Variants in SYNE2 observed in about 807,000 individuals in gnomAD.
SYNE2 encodes the protein nesprin-2.
SYNE2 carries 431 observed loss-of-function variants against 856.3 expected under a neutral mutation model. That is an observed-to-expected ratio of 0.50 (90% CI 0.47 to 0.55). The LOEUF (loss-of-function observed/expected upper bound fraction) is 0.55. Among genes scored for constraint, SYNE2 ranks in the 20% least tolerant of loss-of-function variants. The probability of loss-of-function intolerance (pLI) is 0.00; values close to 1 mark genes in which losing one functional copy is unlikely to be tolerated. For synonymous variants in SYNE2, 2,923 were observed against 2,872.3 expected (o/e 1.02, Z -0.56); for missense variants, 8,129 against 8,023.2 (o/e 1.01, Z -0.50).
rs1279908685 is a variant in SYNE2 at position 64,170,222 on chromosome 14, C to T, written c.17001-6C>T. ...CTGGATTCTATAACCATTTGTTTTT[C>T]CCCAGACCAGAATTTATTACAGAAT... On this transcript the variant is annotated splice_region_variant and splice_polypyrimidine_tract_variant and intron_variant, in intron 93 of 115. Coordinates refer to ENST00000555002, the MANE Select transcript of SYNE2 (RefSeq NM_182914.3). 1 of 1,612,914 alleles carries T rather than the reference C, an allele frequency of 6.2e-7. No homozygotes were observed.
intron 2 of SYNE2, among the ~76,000 whole-genome samples, chr14:63,930,183 G>T (rs926211761): frequency 3.3e-5 from 5 of 151,926 alleles, no homozygotes; most frequent in African/African-American, 9.7e-5. Flanking sequence ...CTACTCAGGA[G>T]GCTGAGGTGG....
chr14:64,141,019 C>T (rs1433616061), intron 80 of SYNE2, among the ~76,000 whole-genome samples: 1 of 151,974 alleles, frequency 6.6e-6, no homozygotes, highest in Non-Finnish European at 1.5e-5. Flanking sequence ...TAATTACAAA[C>T]TTGTTGCAAG....
intron 9 of SYNE2, among the ~76,000 whole-genome samples, chr14:63,962,528 G>C (rs1356164755): frequency 6.6e-6 from 1 of 152,126 alleles, no homozygotes; most frequent in Admixed American, 6.6e-5. Context: ...CTATTCTTTA[G>C]CTTCATGTAA....
At chr14:64,180,062 G>A (rs1321641197) in intron 96 of SYNE2, among the ~76,000 whole-genome samples, 1 of 152,094 alleles carries the variant, frequency 6.6e-6, no homozygotes, top group African/African-American at 2.4e-5. Flanking sequence ...ACGTTTTAAG[G>A]CAGAGATCCA....
At chr14:64,029,130 A>C (rs1274218139) in intron 43 of SYNE2, among the ~76,000 whole-genome samples, 1 of 152,106 alleles carries the variant, frequency 6.6e-6, no homozygotes, top group Non-Finnish European at 1.5e-5. Flanking sequence ...GTGAGACTCC[A>C]TCTCAAAAAA....
chr14:63,897,606 T>C (rs2095273464), intron 1 of SYNE2, among the ~76,000 whole-genome samples: 1 of 152,226 alleles, frequency 6.6e-6, no homozygotes, highest in Admixed American at 6.5e-5. Context: ...TGCTGAGCCC[T>C]CCTGGGCCAA....
At chr14:64,062,929 G>A (rs750071703) in intron 50 of SYNE2, 34 bp downstream of exon 50, 2 of 1,613,854 alleles carry the variant, frequency 1.2e-6, no homozygotes, top group South Asian at 2.2e-5. Flanking sequence ...GTAAGTCTGT[G>A]TGCAAAAAAT....
At chr14:64,213,104 T>A in intron 105 of SYNE2, 99 bp downstream of exon 105, 1 of 1,270,932 alleles carries the variant, frequency 7.9e-7, no homozygotes, top group Non-Finnish European at 1.1e-6. Flanking sequence ...TAATGGTTAA[T>A]TATGGTTTAT....
chr14:64,126,782 G>T lies in SYNE2; in HGVS notation c.13892G>T (p.Gly4631Val). Residue 4631 changes from glycine (G) to valine (V), a missense_variant, in exon 73 of 116, where the codon GGC (glycine) becomes GTC (valine). Coordinates refer to ENST00000555002, the MANE Select transcript of SYNE2 (RefSeq NM_182914.3). The part of the protein sequence containing the change: ...AVCRSKSLKA[G>V]LDYNRSYQNE... Reference sequence around the variant, plus strand: ...TGTAGAAGCAAGTCCCTGAAAGCTGGCCTCGATTACAACCGCAGTTACCAG... The same window carrying T: ...TGTAGAAGCAAGTCCCTGAAAGCTGTCCTCGATTACAACCGCAGTTACCAG... The T allele has an allele frequency of 4.3e-6, 7 of 1,612,942 alleles. No homozygotes were observed. Among genetic ancestry groups the T allele is most frequent in the Non-Finnish European group, 5.1e-6 (6 of 1,180,012 alleles).
In SYNE2 at chr14:64,048,175, C is replaced by T; in HGVS notation, c.7377+20C>T. On this transcript the variant is annotated intron_variant, in intron 46 of 115. Transcript: ENST00000555002. ...ATAGAGGTATGGAAACATAAAAACA[C>T]TGACAACATGATTGCATCATTTATC... The T allele has an allele frequency of 6.2e-7, 1 of 1,609,408 alleles. No individual in the cohort carries two copies. The highest frequency in any genetic ancestry group is 8.5e-7 in the Non-Finnish European group (1 of 1,176,998).
intron 1 of SYNE2, among the ~76,000 whole-genome samples, chr14:63,803,786 G>C (rs372486626): frequency 6.6e-6 from 1 of 152,218 alleles, no homozygotes; most frequent in African/African-American, 2.4e-5. Context: ...TGCCGAGAGC[G>C]AGCGAGGACT....
At chr14:64,086,141 C>T (rs2097559723) in intron 57 of SYNE2, among the ~76,000 whole-genome samples, 1 of 152,190 alleles carries the variant, frequency 6.6e-6, no homozygotes, top group African/African-American at 2.4e-5. Context: ...ATAGTTTTAA[C>T]TCTTACTCTC....
chr14:63,995,026 C>G lies in SYNE2; in HGVS notation c.2782-18C>G. The stretch of plus-strand genomic sequence containing the variant: ...TTTTGTTCTCATGGTTAATATATTC[C>G]TTTGATTTTTTTTGTAGTCTCTTCA... On this transcript the variant is annotated intron_variant, in intron 22 of 115. Coordinates refer to ENST00000555002, the MANE Select transcript of SYNE2 (RefSeq NM_182914.3). 1 of 1,465,088 alleles carries G rather than the reference C, an allele frequency of 6.8e-7. No homozygotes were observed. Among genetic ancestry groups the G allele is most frequent in the South Asian group, 1.2e-5 (1 of 82,694 alleles). The allele number at this position is 1,465,088 out of a possible 1,614,324, so 90.8% of individuals were successfully genotyped here.
At chr14:64,134,297 T>A (rs1459109764) in intron 78 of SYNE2, 97 bp downstream of exon 78, 4 of 1,263,888 alleles carry the variant, frequency 3.2e-6, no homozygotes, top group Non-Finnish European at 4.6e-6. Flanking sequence ...AGGTTTGAAT[T>A]GAAACAAAAT....
intron 49 of SYNE2, among the ~76,000 whole-genome samples, chr14:64,062,510 AAAT>A (rs1192148358): frequency 6.6e-6 from 1 of 152,218 alleles, no homozygotes; most frequent in East Asian, 1.9e-4. Context: ...TAAAAAAAAA[AAAT>A]CTTCATTTTA....
chr14:64,078,379 A>G lies in SYNE2; in HGVS notation c.11023-87A>G, dbSNP rs577756465. 103 of 1,581,744 alleles carry G rather than the reference A, an allele frequency of 6.5e-5. No homozygotes were observed. The African/African-American group carries it at 1.3e-3, about 20-fold the overall frequency. ...TTAAAAAATTTTTACAAGTTAAAACAGAGTGACTACCACTTTTGTTGTTCG... is the reference window on the plus strand; with the variant it reads ...TTAAAAAATTTTTACAAGTTAAAACGGAGTGACTACCACTTTTGTTGTTCG... On this transcript the variant is annotated intron_variant, in intron 54 of 115. Coordinates refer to ENST00000555002, the MANE Select transcript of SYNE2 (RefSeq NM_182914.3).
rs955844778 is a variant in SYNE2, at chr14:63,954,019, T to C, written c.591-700T>C. ...GCTTCAATCTCCCATTGTCAAGTGA[T>C]CCTCCCGCCTCAGCCTCCCAAAGTG... is the stretch of plus-strand genomic sequence containing the variant. On this transcript the variant is annotated intron_variant, in intron 7 of 115. Transcript: ENST00000555002. 2.6e-5 allele frequency among the ~76,000 whole-genome samples: 4 copies of C among 152,292 alleles called. No homozygotes were observed. The South Asian group carries it at 8.3e-4, about 32-fold the overall frequency.
At chr14:64,142,194 T>G in intron 82 of SYNE2, 106 bp downstream of exon 82, 1 of 1,347,528 alleles carries the variant, frequency 7.4e-7, no homozygotes, top group Non-Finnish European at 1.0e-6. Flanking sequence ...AAAAAACTAA[T>G]TCTAGGGGTA....
At chr14:64,021,238 A>G in intron 35 of SYNE2, 77 bp from the exon 36 acceptor site, 1 of 1,132,318 alleles carries the variant, frequency 8.8e-7, no homozygotes, top group East Asian at 2.4e-5. Context: ...ATCTCAACCC[A>G]TTCTCTAGCA....
Sources: gnomAD v4.1 joint callset for allele counts (sites outside exome capture counted in the v4.1 genomes callset) on GRCh38, gnomAD v4.1.1 for gene constraint, MANE v1.5 for transcripts, NCBI Gene and HGNC (gene_info 2026-07-23, HGNC 2026-07-21) for gene names.